RARG: variants seen among roughly 807,000 people sequenced by gnomAD.
The protein encoded by RARG is RAR-gamma.
Under a neutral mutation model 43.7 loss-of-function variants are expected in RARG, and 17 were observed. The ratio of observed to expected loss-of-function variants is 0.39; its 90% confidence interval spans 0.27 to 0.58. The LOEUF (loss-of-function observed/expected upper bound fraction) is 0.58. RARG is among the 20% of genes least tolerant of loss of function. The probability of loss-of-function intolerance (pLI) is 0.57; values close to 1 mark genes in which losing one functional copy is unlikely to be tolerated. For missense variants in RARG, 346 were observed against 598.7 expected, an observed-to-expected ratio of 0.58 and a Z score of 4.40; for synonymous variants, 238 against 236.4, an observed-to-expected ratio of 1.01 and a Z score of -0.06.
chr12:53,214,101 A>G lies in RARG; in HGVS notation c.771T>C (p.Ala257=), dbSNP rs751932052. The change falls in exon 7 of 10, where the codon GCT becomes GCC. Residue 257 remains alanine (A), a synonymous_variant. Coordinates refer to ENST00000425354, the MANE Select transcript of RARG (RefSeq NM_000966.6). ...RLPGFTGLSI[A]DQITLLKAAC... is the part of the protein sequence containing the mutation. ...CAGCTTTGAGCAGAGTGATCTGGTC[A>G]GCAATGCTGAGCCCTGTAAAGCCAG... The G allele has an allele frequency of 6.2e-7, 1 of 1,614,112 alleles. No homozygotes were observed. The highest frequency in any genetic ancestry group is 8.5e-7 in the Non-Finnish European group (1 of 1,180,004).
At chr12:53,228,496 T>C (rs1351305776) in intron 2 of RARG, among the ~76,000 whole-genome samples, 1 of 152,202 alleles carries the variant, frequency 6.6e-6, no homozygotes, top group Non-Finnish European at 1.5e-5. Flanking sequence ...AGCACTTCCC[T>C]CTCTGTTTTC....
In RARG at chr12:53,214,572, C is replaced by T; in HGVS notation, c.510G>A (p.Glu170=). The T allele has an allele frequency of 6.2e-7, 1 of 1,610,132 alleles. No homozygotes were observed. The highest frequency in any genetic ancestry group is 8.5e-7 in the Non-Finnish European group (1 of 1,176,630). The part of the protein sequence containing the change: ...VRNDRNKKKK[E]VKEEGSPDSY... ...TGTCAGGTGACCCTTCTTCCTTCAC[C>T]TCTTTCTTCTTCTTGTTCCGGTCAT... The change falls in exon 6 of 10, where the codon GAG becomes GAA. Residue 170 remains glutamate, a synonymous_variant. Coordinates refer to ENST00000425354, the MANE Select transcript of RARG (RefSeq NM_000966.6).
chr12:53,219,203 AGTT>A (rs776085570), intron 3 of RARG, among the ~76,000 whole-genome samples: 11 of 152,230 alleles, frequency 7.2e-5, no homozygotes, highest in Non-Finnish European at 1.3e-4. Flanking sequence ...TTCCTGCTGA[AGTT>A]GTTGTGTGTT....
At position 53,211,663 on chromosome 12, in the gene RARG, T is replaced by C. The variant is rs372693497; in HGVS notation, c.*13A>G. The C allele has an allele frequency of 1.8e-5, 26 of 1,459,778 alleles. No homozygotes were observed. The African/African-American group carries it at 3.5e-4, about 20-fold the overall frequency. 90.4% of individuals were successfully genotyped at this position (1,459,778 alleles called of 1,614,324 possible). A position where few individuals can be genotyped will look rare whatever the true frequency, so the allele number is the denominator to read the frequency against. ...AGCCCCAACCCCCACAGCGGGGAGG[T>C]CAGGGGCCCTGGTCAGGCTGGGGAC... On this transcript the variant is annotated 3_prime_UTR_variant, in exon 10 of 10. Coordinates refer to ENST00000425354, the MANE Select transcript of RARG (RefSeq NM_000966.6). The surrounding 1 kb of genome is among the most constrained non-coding windows in gnomAD (Gnocchi z 4.6).
chr12:53,224,959 T>G (rs2120718550), intron 3 of RARG, among the ~76,000 whole-genome samples: 1 of 152,300 alleles, frequency 6.6e-6, no homozygotes, highest in African/African-American at 2.4e-5. Context: ...CACTGGGGAC[T>G]GGGTACTAGC....
intron 3 of RARG, chr12:53,220,338 T>C: frequency 1.6e-6 from 2 of 1,270,566 alleles, no homozygotes; most frequent in Non-Finnish European, 2.0e-6. Flanking sequence ...CCAGCTCTTA[T>C]CTGGGTGCTT....
chr12:53,231,127 T>A (rs1378223119), intron 2 of RARG, 42 bp downstream of exon 2: 3 of 152,186 alleles, frequency 2.0e-5, no homozygotes, highest in Non-Finnish European at 4.4e-5. Context: ...CTACTCAGGC[T>A]CCCCTGCCCC....
intron 2 of RARG, chr12:53,230,138 T>C (rs1292620562): frequency 4.1e-6 from 1 of 243,920 alleles, no homozygotes; most frequent in African/African-American, 2.3e-5. Context: ...AAGGAAGTCC[T>C]AAACTGAGGC....
At chr12:53,220,958 C>G (rs1942940737) in intron 3 of RARG, among the ~76,000 whole-genome samples, 1 of 151,782 alleles carries the variant, frequency 6.6e-6, no homozygotes, top group African/African-American at 2.4e-5. Flanking sequence ...GCTTCAGGGC[C>G]GAAAAGTGCA....
In RARG at chr12:53,213,788, C is replaced by T; in HGVS notation, c.814-88G>A. 1 of 1,348,760 alleles carries T rather than the reference C, an allele frequency of 7.4e-7. No individual in the cohort carries two copies. Among genetic ancestry groups the T allele is most frequent in the South Asian group, 1.3e-5 (1 of 76,606 alleles). 83.5% of individuals were successfully genotyped at this position (1,348,760 alleles called of 1,614,324 possible). A position where few individuals can be genotyped will look rare whatever the true frequency, so the allele number is the denominator to read the frequency against. ...AGTGGAAAGTGAGGAGGTTAGGTCC[C>T]CAGTGAGTGCAACCTGAAGCAGGCA... On this transcript the variant is annotated intron_variant, in intron 7 of 9. Coordinates refer to ENST00000425354, the MANE Select transcript of RARG (RefSeq NM_000966.6). This position sits in a 1 kb window ranked among gnomAD's most constrained non-coding sequence, Gnocchi z 4.7.
Position 53,211,244 on chromosome 12 carries a change from T to G in RARG, c.*432A>C, listed in dbSNP as rs1942579625. 6.4e-6 allele frequency: 1 copy of G among 156,322 alleles called. No homozygotes were observed. Among genetic ancestry groups the G allele is most frequent in the African/African-American group, 2.4e-5 (1 of 41,578 alleles). 9.7% of individuals were successfully genotyped at this position (156,322 alleles called of 1,614,324 possible). On this transcript the variant is annotated 3_prime_UTR_variant, in exon 10 of 10. Coordinates refer to ENST00000425354, the MANE Select transcript of RARG (RefSeq NM_000966.6). The surrounding 1 kb of genome is among the most constrained non-coding windows in gnomAD (Gnocchi z 4.6). ...ATCACACAGCATTAGGCACCAAGGG[T>G]AGGAGCAAGAAGGTGGGCTCAGCCC...
chr12:53,213,986 G>T lies in RARG; in HGVS notation c.813+73C>A. On this transcript the variant is annotated intron_variant, in intron 7 of 9. Coordinates refer to ENST00000425354, the MANE Select transcript of RARG (RefSeq NM_000966.6). This position sits in a 1 kb window ranked among gnomAD's most constrained non-coding sequence, Gnocchi z 4.7. ...GGGGGTGCAGGGTAAGGAAATCTTT[G>T]CATGGATCAAGGAATTGTTGAGGGT... 1 of 1,493,682 alleles carries T rather than the reference G, an allele frequency of 6.7e-7. No individual in the cohort carries two copies. The highest frequency in any genetic ancestry group is 9.1e-7 in the Non-Finnish European group (1 of 1,094,798). 92.5% of individuals were successfully genotyped at this position (1,493,682 alleles called of 1,614,324 possible).
rs1041412008 is a variant in RARG at position 53,231,221 on chromosome 12, A to G, written c.-195T>C. The stretch of plus-strand genomic sequence containing the variant: ...CTACATACTGGGTCAGGTTGAGGGA[A>G]CTGGGCCGTAGCTGCTAAAGACAGA... On this transcript the variant is annotated 5_prime_UTR_variant, in exon 2 of 10. Transcript: ENST00000425354. 2 of 152,266 alleles carry G rather than the reference A, an allele frequency of 1.3e-5. No individual in the cohort carries two copies. The highest frequency in any genetic ancestry group is 1.3e-4 in the Admixed American group (2 of 15,290). The allele number at this position is 152,266 out of a possible 1,614,324, so 9.4% of individuals were successfully genotyped here. A position where few individuals can be genotyped will look rare whatever the true frequency, so the allele number is the denominator to read the frequency against.
At chr12:53,230,514 C>G (rs1943207319) in intron 2 of RARG, among the ~76,000 whole-genome samples, 1 of 152,162 alleles carries the variant, frequency 6.6e-6, no homozygotes, top group South Asian at 2.1e-4. Context: ...AGCCTGGGCC[C>G]CCAGCCTGCT....
intron 1 of RARG, 125 bp from the exon 2 acceptor site, chr12:53,231,360 C>A (rs563398633): frequency 6.6e-6 from 1 of 152,304 alleles, no homozygotes; most frequent in African/African-American, 2.4e-5. Context: ...AGGTGCCCCC[C>A]ACCTTGGCTG....
intron 3 of RARG, among the ~76,000 whole-genome samples, chr12:53,217,071 G>C (rs1201786576): frequency 1.3e-5 from 2 of 152,064 alleles, no homozygotes; most frequent in African/African-American, 4.8e-5. Flanking sequence ...AGCCAGAAGG[G>C]CGGAAGGAAT....
chr12:53,232,165 A>G lies in RARG; in HGVS notation c.-401T>C. On this transcript the variant is annotated 5_prime_UTR_variant, in exon 1 of 10. Transcript: ENST00000425354. ...ACGTGACCGCCCCAAAATATCCGAC[A>G]CATTTTCTCCCAAACCGCACACTGA... is the stretch of plus-strand genomic sequence containing the variant. 7.5e-6 allele frequency: 3 copies of G among 398,244 alleles called. No individual in the cohort carries two copies. The highest frequency in any genetic ancestry group is 1.3e-5 in the Non-Finnish European group (3 of 225,918). The allele number at this position is 398,244 out of a possible 1,614,324, so 24.7% of individuals were successfully genotyped here. A position where few individuals can be genotyped will look rare whatever the true frequency, so the allele number is the denominator to read the frequency against.
intron 3 of RARG, among the ~76,000 whole-genome samples, chr12:53,224,502 C>G (rs1384592479): frequency 1.3e-5 from 2 of 152,006 alleles, no homozygotes; most frequent in Non-Finnish European, 2.9e-5. Flanking sequence ...GCCTCTAAAC[C>G]CTCTCCACTA....
intron 2 of RARG, among the ~76,000 whole-genome samples, chr12:53,228,018 C>T (rs1943149618): frequency 6.6e-6 from 1 of 152,192 alleles, no homozygotes; most frequent in Non-Finnish European, 1.5e-5. Flanking sequence ...TCACATCAGT[C>T]CTGTGAACTG....
Sources: allele counts gnomAD v4.1 joint callset (sites outside exome capture counted in the v4.1 genomes callset), GRCh38; gene constraint gnomAD v4.1.1; non-coding constraint Gnocchi (gnomAD v3.1); transcripts MANE v1.5; gene names NCBI Gene and HGNC (gene_info 2026-07-23, HGNC 2026-07-21).